The following ATP8B4 variants were observed in gnomAD, a reference collection of about 807,000 sequenced individuals.
The protein encoded by ATP8B4 is ATPase phospholipid transporting 8B4 (putative).
A neutral mutation model predicts 145.6 loss-of-function variants in ATP8B4; 133 were observed. The observed-to-expected ratio is 0.91, with a 90% CI of 0.79 to 1.05. The LOEUF (loss-of-function observed/expected upper bound fraction) is 1.05. Ranked by LOEUF, ATP8B4 falls within the 50% of genes least tolerant of loss-of-function variation. ATP8B4 has a pLI of 0.00. For synonymous variants in ATP8B4, 507 were observed against 492.9 expected (o/e 1.03, Z -0.38); for missense variants, 1,458 against 1,425.2 (o/e 1.02, Z -0.37).
rs779184734 is a variant in ATP8B4 at position 49,901,147 on chromosome 15, A to G, written c.2234T>C (p.Ile745Thr). 23 of 1,613,630 alleles carry G rather than the reference A, an allele frequency of 1.4e-5. No individual in the cohort carries two copies. The highest frequency in any genetic ancestry group is 8.3e-5 in the Admixed American group (5 of 60,012). The change falls in exon 21 of 28, where the codon ATT becomes ACT. Residue 745 changes from isoleucine (I) to threonine (T), a missense_variant. By Grantham distance (89) the Ile-to-Thr change is moderately conservative (BLOSUM62 -1). Coordinates refer to ENST00000284509, the MANE Select transcript of ATP8B4 (RefSeq NM_024837.4). ...EKKQQLELDS[I>T]VEETITGDYA... is the part of the protein sequence containing the mutation. ...ATCTCCTGTTATGGTTTCTTCTACAATAGAATCCAACTCCAGCTGCTGCTT... is the reference window on the plus strand; with the variant it reads ...ATCTCCTGTTATGGTTTCTTCTACAGTAGAATCCAACTCCAGCTGCTGCTT...
chr15:50,137,833 T>A (rs568094460), intron 1 of ATP8B4, among the ~76,000 whole-genome samples: 1 of 152,122 alleles, frequency 6.6e-6, no homozygotes, highest in Non-Finnish European at 1.5e-5. Context: ...AAGCTAACAT[T>A]TATTAAATTC....
intron 14 of ATP8B4, among the ~76,000 whole-genome samples, chr15:49,937,236 T>C (rs993614042): frequency 2.0e-5 from 3 of 152,202 alleles, no homozygotes; most frequent in African/African-American, 7.2e-5. Flanking sequence ...ACTTATTGGC[T>C]ATCACGTTTC....
chr15:50,008,126 T>C (rs1270897860), intron 7 of ATP8B4, among the ~76,000 whole-genome samples: 2 of 152,226 alleles, frequency 1.3e-5, no homozygotes, highest in African/African-American at 4.8e-5. Flanking sequence ...TAAGTTGCCC[T>C]GGCCCTCCCA....
intron 13 of ATP8B4, among the ~76,000 whole-genome samples, chr15:49,965,947 C>G (rs1259532272): frequency 1.3e-5 from 2 of 152,132 alleles, no homozygotes; most frequent in Non-Finnish European, 2.9e-5. Context: ...ACTGGTTAGA[C>G]AGTGGGTGCA....
intron 3 of ATP8B4, among the ~76,000 whole-genome samples, chr15:50,054,813 A>C (rs933092543): frequency 1.3e-4 from 19 of 149,448 alleles, no homozygotes; most frequent in East Asian, 9.7e-4. Context: ...AAAAAAACAA[A>C]AAAAAAAAAA....
intron 1 of ATP8B4, among the ~76,000 whole-genome samples, chr15:50,109,231 G>A (rs1326652644): frequency 6.6e-6 from 1 of 152,206 alleles, no homozygotes; most frequent in Non-Finnish European, 1.5e-5. Flanking sequence ...CAAACCTGGG[G>A]AGAGGAGGCA....
At chr15:49,938,244 C>T (rs1404980010) in intron 14 of ATP8B4, among the ~76,000 whole-genome samples, 3 of 152,042 alleles carry the variant, frequency 2.0e-5, no homozygotes, top group Non-Finnish European at 4.4e-5. Context: ...TATAAAGCAA[C>T]CAGCTGACAG....
intron 6 of ATP8B4, among the ~76,000 whole-genome samples, chr15:50,016,098 C>A (rs1267836790): frequency 3.3e-5 from 5 of 152,200 alleles, no homozygotes; most frequent in Admixed American, 3.3e-4. Context: ...GAAATAGACA[C>A]ACAATTTAGT....
At chr15:50,173,585 C>A (rs995827850) in intron 1 of ATP8B4, among the ~76,000 whole-genome samples, 6 of 152,106 alleles carry the variant, frequency 3.9e-5, no homozygotes, top group African/African-American at 1.4e-4. Context: ...GGGCCCTCTG[C>A]CTAGGAAAAC....
chr15:50,134,730 C>T (rs1240197111), intron 1 of ATP8B4, among the ~76,000 whole-genome samples: 1 of 152,124 alleles, frequency 6.6e-6, no homozygotes, highest in Non-Finnish European at 1.5e-5. Flanking sequence ...ATAGAACTGA[C>T]AACATTTGGC....
Position 49,934,116 on chromosome 15 carries a change from G to T in ATP8B4, c.1354C>A (p.His452Asn), listed in dbSNP as rs2452524. 0.69 allele frequency: 1,110,239 copies of T among 1,611,906 alleles called. 387,023 individuals carry two copies. Among genetic ancestry groups the T allele is most frequent in the African/African-American group, 0.84 (62,981 of 74,880 alleles). Residue 452 changes from histidine (H) to asparagine (N), a missense_variant, in exon 15 of 28, where the codon CAT becomes AAT. His to Asn is a moderately conservative substitution (Grantham distance 68). Coordinates refer to ENST00000284509, the MANE Select transcript of ATP8B4 (RefSeq NM_024837.4). The part of the protein sequence containing the change: ...ADREFQFFDH[H>N]LMESIKMGDP... The stretch of plus-strand genomic sequence containing the variant: ...CCCATTTTAATGGATTCCATCAGAT[G>T]GTGGTCAAAGAACTGAAATTCTCTA...
chr15:49,930,632 C>T (rs1027811046), intron 16 of ATP8B4, among the ~76,000 whole-genome samples: 1 of 152,048 alleles, frequency 6.6e-6, no homozygotes, highest in Non-Finnish European at 1.5e-5. Context: ...GGAGCCAGTA[C>T]TGTATAGTGA....
intron 1 of ATP8B4, among the ~76,000 whole-genome samples, chr15:50,124,573 C>T (rs1295710317): frequency 6.6e-6 from 1 of 151,978 alleles, no homozygotes; most frequent in Non-Finnish European, 1.5e-5. Flanking sequence ...TATAAATCCA[C>T]CACTACATTA....
At chr15:49,965,875 A>T (rs188445078) in intron 13 of ATP8B4, among the ~76,000 whole-genome samples, 1 of 152,120 alleles carries the variant, frequency 6.6e-6, no homozygotes, top group Non-Finnish European at 1.5e-5. Flanking sequence ...TCCCAATGAG[A>T]TCAACACAGA....
At chr15:49,971,978 T>C (rs562826771) in intron 13 of ATP8B4, among the ~76,000 whole-genome samples, 226 of 152,234 alleles carry the variant, frequency 1.5e-3, no homozygotes, top group Non-Finnish European at 2.6e-3. Context: ...TGCAGAGACA[T>C]GGGTGAGGCT....
At chr15:50,076,535 A>G (rs2054189145) in intron 2 of ATP8B4, among the ~76,000 whole-genome samples, 1 of 152,104 alleles carries the variant, frequency 6.6e-6, no homozygotes, top group South Asian at 2.1e-4. Context: ...CCTGTCCAGC[A>G]TCTCCATGTA....
chr15:50,063,865 C>T (rs1600148913), intron 3 of ATP8B4, among the ~76,000 whole-genome samples: 1 of 152,274 alleles, frequency 6.6e-6, no homozygotes, highest in South Asian at 2.1e-4. Context: ...AAACAGAAGA[C>T]ATGTTTGCTC....
chr15:50,103,263 G>T (rs2056479594), intron 2 of ATP8B4, among the ~76,000 whole-genome samples: 1 of 152,018 alleles, frequency 6.6e-6, no homozygotes, highest in South Asian at 2.1e-4. Flanking sequence ...ACAAGAGAAA[G>T]AAATAAAGGG....
intron 9 of ATP8B4, 78 bp downstream of exon 9, chr15:49,996,599 A>G: frequency 8.6e-7 from 1 of 1,158,838 alleles, no homozygotes; most frequent in Non-Finnish European, 1.2e-6. Flanking sequence ...AAGAAACATA[A>G]ATTGGATCTC....
Sources: allele counts gnomAD v4.1 joint callset (sites outside exome capture counted in the v4.1 genomes callset), GRCh38; gene constraint gnomAD v4.1.1; transcripts MANE v1.5; gene names NCBI Gene and HGNC (gene_info 2026-07-23, HGNC 2026-07-21).